The following SCRG1 variants were observed in gnomAD, a reference collection of about 807,000 sequenced individuals.
The protein encoded by SCRG1 is scrapie-responsive protein 1.
In SCRG1, 3 loss-of-function variants were observed where a neutral mutation model predicts 7.7. That is an observed-to-expected ratio of 0.39 (90% CI 0.18 to 1.01). The LOEUF is 1.01. Among genes scored for constraint, SCRG1 ranks in the 50% least tolerant of loss-of-function variants. The pLI is 0.36. For synonymous variants in SCRG1, 46 were observed against 41.2 expected, an observed-to-expected ratio of 1.12 and a Z score of -0.44; for missense variants, 110 against 117.2, an observed-to-expected ratio of 0.94 and a Z score of 0.28.
the SCRG1 span, among the ~76,000 whole-genome samples, chr4:173,484,421 ATT>A: frequency 4.3e-5 from 3 of 69,100 alleles, no homozygotes; most frequent in Non-Finnish European, 7.4e-5. Flanking sequence ...TATAATATAT[ATT>A]ATATATTATA....
At chr4:173,402,587 G>C (rs1169141047), upstream of SCRG1, among the ~76,000 whole-genome samples, 7 of 152,122 alleles carry the variant, frequency 4.6e-5, no homozygotes, top group Non-Finnish European at 1.0e-4. Flanking sequence ...TCTTAAGCTT[G>C]TGAGAGAAAA....
intron 1 of SCRG1, among the ~76,000 whole-genome samples, chr4:173,406,048 T>A (rs1159459752): frequency 6.6e-6 from 1 of 152,228 alleles, no homozygotes; most frequent in Non-Finnish European, 1.5e-5. Flanking sequence ...TTGCTATGCA[T>A]AACTGTCTGT....
At chr4:173,410,017 C>T (rs948447554), upstream of SCRG1, among the ~76,000 whole-genome samples, 12 of 152,118 alleles carry the variant, frequency 7.9e-5, no homozygotes, top group Admixed American at 3.9e-4. Flanking sequence ...ACAAACTTAC[C>T]GAGTGCTAAA....
the SCRG1 span, among the ~76,000 whole-genome samples, chr4:173,451,674 ATTTATTTAT>A: frequency 1.5e-5 from 2 of 134,810 alleles, no homozygotes; most frequent in Non-Finnish European, 3.2e-5. Context: ...TTATTTATTT[ATTTATTTAT>A]TTTGAGACAG....
At chr4:173,500,464 A>G in the SCRG1 span, among the ~76,000 whole-genome samples, 1 of 116,664 alleles carries the variant, frequency 8.6e-6, no homozygotes, top group Non-Finnish European at 1.9e-5. Flanking sequence ...GAAGACCCTT[A>G]GTAAATTTTG....
At chr4:173,399,841 T>C (rs1180143100), upstream of SCRG1, among the ~76,000 whole-genome samples, 5 of 152,210 alleles carry the variant, frequency 3.3e-5, no homozygotes, top group Non-Finnish European at 4.4e-5. Flanking sequence ...GAATTAGAGA[T>C]ATTATATTGT....
chr4:173,494,472 T>A, the SCRG1 span, among the ~76,000 whole-genome samples: 2 of 152,198 alleles, frequency 1.3e-5, no homozygotes, highest in Non-Finnish European at 2.9e-5. Flanking sequence ...AGAGACAATG[T>A]GCCAACACGG....
At chr4:173,478,851 T>C in the SCRG1 span, among the ~76,000 whole-genome samples, 1 of 152,244 alleles carries the variant, frequency 6.6e-6, no homozygotes, top group Non-Finnish European at 1.5e-5. Context: ...ACACAGACTT[T>C]AGGAATGATG....
chr4:173,471,124 T>C, the SCRG1 span, among the ~76,000 whole-genome samples: 35 of 152,324 alleles, frequency 2.3e-4, 1 homozygote, highest in South Asian at 7.0e-3. Context: ...ATATACTAAG[T>C]AGAGTCATAG....
the SCRG1 span, among the ~76,000 whole-genome samples, chr4:173,429,924 T>C: frequency 6.6e-6 from 1 of 152,114 alleles, no homozygotes; most frequent in Non-Finnish European, 1.5e-5. Context: ...TAAGCTAAAA[T>C]ATAATAAGCA....
chr4:173,467,027 G>T, the SCRG1 span, among the ~76,000 whole-genome samples: 1 of 151,950 alleles, frequency 6.6e-6, no homozygotes, highest in Non-Finnish European at 1.5e-5. Flanking sequence ...TCCAAATTTG[G>T]ACCTAATATT....
chr4:173,434,725 G>T, the SCRG1 span, among the ~76,000 whole-genome samples: 4 of 152,250 alleles, frequency 2.6e-5, no homozygotes, highest in Admixed American at 6.5e-5. Flanking sequence ...CAGCTACTTG[G>T]GGGGCTGAGG....
the SCRG1 span, among the ~76,000 whole-genome samples, chr4:173,484,094 C>CTAATATATA: frequency 2.3e-5 from 1 of 42,794 alleles, no homozygotes. Context: ...TATAATATAC[C>CTAATATATA]ATATATAATA....
At chr4:173,419,853 T>C in the SCRG1 span, 1 of 1,273,652 alleles carries the variant, frequency 7.9e-7, no homozygotes, top group Non-Finnish European at 1.1e-6. Context: ...TTGAGAAGCC[T>C]GCGGGCCAGC....
At chr4:173,450,394 G>C in the SCRG1 span, among the ~76,000 whole-genome samples, 1 of 152,128 alleles carries the variant, frequency 6.6e-6, no homozygotes, top group South Asian at 2.1e-4. Context: ...GTCCCCAAAA[G>C]CTCATCTCTG....
At chr4:173,395,793 G>A (rs1356261931) in intron 1 of SCRG1, among the ~76,000 whole-genome samples, 4 of 152,206 alleles carry the variant, frequency 2.6e-5, no homozygotes, top group Non-Finnish European at 5.9e-5. Flanking sequence ...TGGATATGGG[G>A]AGTGGGAAAT....
the SCRG1 span, among the ~76,000 whole-genome samples, chr4:173,510,366 C>T: frequency 6.6e-6 from 1 of 152,004 alleles, no homozygotes; most frequent in East Asian, 1.9e-4. This position sits in a 1 kb window ranked among gnomAD's most constrained non-coding sequence, Gnocchi z 5.7. Flanking sequence ...CCCAAGACAA[C>T]TCTGTCCGGC....
chr4:173,414,779 C>T, the SCRG1 span, among the ~76,000 whole-genome samples: 1 of 152,192 alleles, frequency 6.6e-6, no homozygotes, highest in African/African-American at 2.4e-5. Context: ...TGCTGGCATT[C>T]TCATCCCTGA....
chr4:173,432,298 C>T, the SCRG1 span, among the ~76,000 whole-genome samples: 78 of 126,914 alleles, frequency 6.1e-4, no homozygotes, highest in African/African-American at 2.2e-3. Context: ...TTCCTTCCTC[C>T]CCCCCTCCCT....
Sources: allele counts gnomAD v4.1 joint callset (sites outside exome capture counted in the v4.1 genomes callset), GRCh38; gene constraint gnomAD v4.1.1; non-coding constraint Gnocchi (gnomAD v3.1); transcripts MANE v1.5; gene names NCBI Gene and HGNC (gene_info 2026-07-23, HGNC 2026-07-21).